The following CHMP2A variants were observed in gnomAD, a reference collection of about 807,000 sequenced individuals.
CHMP2A encodes the protein charged multivesicular body protein 2A, also known as VPS2 homolog A.
CHMP2A carries 6 observed loss-of-function variants against 21.8 expected under a neutral mutation model. That is an observed-to-expected ratio of 0.28 (90% CI 0.15 to 0.54). The LOEUF is 0.54. Ranked by LOEUF, CHMP2A falls within the 20% of genes least tolerant of loss-of-function variation. CHMP2A has a pLI of 0.95. For synonymous variants in CHMP2A, 125 were observed against 107.0 expected (o/e 1.17, Z -1.04); for missense variants, 303 against 293.9 (o/e 1.03, Z -0.23).
intron 4 of CHMP2A, 38 bp from the exon 5 acceptor site, chr19:58,552,005 C>T (rs2053833352): frequency 1.2e-6 from 2 of 1,614,150 alleles, no homozygotes; most frequent in Non-Finnish European, 1.7e-6. Flanking sequence ...GCTATGCACT[C>T]CGTGAGGGCC....
chr19:58,551,866 C>T, intron 5 of CHMP2A, 40 bp downstream of exon 5: 4 of 1,613,994 alleles, frequency 2.5e-6, no homozygotes, highest in Non-Finnish European at 3.4e-6. Flanking sequence ...TGTGGCTGGG[C>T]CTTGGGTGGG....
chr19:58,552,688 T>G (rs1292017193), intron 2 of CHMP2A, among the ~76,000 whole-genome samples: 2 of 152,174 alleles, frequency 1.3e-5, no homozygotes, highest in African/African-American at 4.8e-5. Flanking sequence ...CTGTAAATGG[T>G]AAAAGAAAGG....
chr19:58,552,435 C>T lies in CHMP2A; in HGVS notation c.172G>A (p.Ala58Thr). 6.2e-7 allele frequency: 1 copy of T among 1,613,282 alleles called. No homozygotes were observed. The highest frequency in any genetic ancestry group is 8.5e-7 in the Non-Finnish European group (1 of 1,179,564). Residue 58 changes from alanine to threonine, a missense_variant, in exon 3 of 6, where the codon GCT (alanine) becomes ACT (threonine). By Grantham distance (58) the Ala-to-Thr change is moderately conservative (BLOSUM62 0). Transcript: ENST00000312547. ...KKMAKQGQMD[A>T]VRIMAKDLVR... ...AAGTCTTTTGCCATGATGCGAACAG[C>T]ATCCTGCAGAGTAGACAAGGGTATC...
At chr19:58,552,840 G>C (rs961299601) in intron 2 of CHMP2A, among the ~76,000 whole-genome samples, 2 of 152,016 alleles carry the variant, frequency 1.3e-5, no homozygotes, top group Admixed American at 6.6e-5. Context: ...CCCATACCTC[G>C]AACTATCCAG....
chr19:58,554,140 C>T lies in CHMP2A; in HGVS notation c.73G>A (p.Ala25Thr). 6.2e-7 allele frequency: 1 copy of T among 1,614,158 alleles called. No individual in the cohort carries two copies. Among genetic ancestry groups the T allele is most frequent in the Non-Finnish European group, 8.5e-7 (1 of 1,180,030 alleles). ...LRQNQRALNR[A>T]MRELDRERQK... ...CGCTCGCGGTCCAGCTCCCGCATGG[C>T]ACGGTTCAGGGCCCTCTGGTTCTGC... is the stretch of plus-strand genomic sequence containing the variant. Residue 25 changes from alanine to threonine, a missense_variant, in exon 2 of 6, where the codon GCC (alanine) becomes ACC (threonine). Transcript: ENST00000312547.
rs373068837 is a variant in CHMP2A, at chr19:58,553,371, GT to G, written c.168+673del. Reference sequence around the variant, plus strand: ...GCCAGCTTATCCTTATAGTTAACTGGTTTTTTTTTTTTTTTTTGAGACAGAG... The same window carrying G: ...GCCAGCTTATCCTTATAGTTAACTGGTTTTTTTTTTTTTTTTGAGACAGAG... On this transcript the variant is annotated intron_variant, in intron 2 of 5. Transcript: ENST00000312547. Among the ~76,000 whole-genome samples, 896 of 119,978 alleles carry G rather than the reference GT, an allele frequency of 7.5e-3. 4 individuals are homozygous for G. Among genetic ancestry groups the G allele is most frequent in the African/African-American group, 0.018 (547 of 30,732 alleles). 78.7% of individuals were successfully genotyped at this position (119,978 alleles called of 152,430 possible). A position where few individuals can be genotyped will look rare whatever the true frequency, so the allele number is the denominator to read the frequency against.
chr19:58,554,473 T>A (rs1157709166), intron 1 of CHMP2A: 1 of 480,054 alleles, frequency 2.1e-6, no homozygotes, highest in East Asian at 3.8e-5. Flanking sequence ...TTCATCGCCA[T>A]GCCCCAAAAG....
chr19:58,554,399 C>G (rs2053868363), intron 1 of CHMP2A, 163 bp from the exon 2 acceptor site: 1 of 620,326 alleles, frequency 1.6e-6, no homozygotes, highest in Non-Finnish European at 2.8e-6. Context: ...GGGATTGTCC[C>G]GGGGACACAT....
At chr19:58,553,463 T>C (rs1331439954) in intron 2 of CHMP2A, among the ~76,000 whole-genome samples, 2 of 149,478 alleles carry the variant, frequency 1.3e-5, no homozygotes, top group African/African-American at 4.9e-5. Context: ...CTCCGCCTCC[T>C]GGGTTCAAGA....
chr19:58,554,027 C>A lies in CHMP2A; in HGVS notation c.168+18G>T. 2 of 1,612,790 alleles carry A rather than the reference C, an allele frequency of 1.2e-6. No homozygotes were observed. The highest frequency in any genetic ancestry group is 1.7e-6 in the Non-Finnish European group (2 of 1,179,982). On this transcript the variant is annotated intron_variant, in intron 2 of 5. Transcript: ENST00000312547. ...CCGTGCCTGATTGACAGCAACCTGC[C>A]CGACCACCCACACTCACCATCTGGC... is the stretch of plus-strand genomic sequence containing the variant.
At chr19:58,553,041 A>G (rs557539787) in intron 2 of CHMP2A, among the ~76,000 whole-genome samples, 57 of 149,644 alleles carry the variant, frequency 3.8e-4, no homozygotes, top group African/African-American at 5.9e-4. Context: ...TCTTGGCCAT[A>G]GCTTATAGCT....
Position 58,554,084 on chromosome 19 carries a change from G to C in CHMP2A, c.129C>G (p.Ile43Met). ...TGGCCATCTTCTTAATGTCTGCAAT[G>C]ATTTTCTTCTCCTGGGTCTCTAGTT... Reference protein sequence around the residue: ...RQKLETQEKKIIADIKKMAKQ... With the variant: ...RQKLETQEKKMIADIKKMAKQ... Residue 43 changes from isoleucine (I) to methionine (M), a missense_variant, in exon 2 of 6, where the codon ATC (isoleucine) becomes ATG (methionine). Ile to Met is a conservative substitution (Grantham distance 10). Coordinates refer to ENST00000312547, the MANE Select transcript of CHMP2A (RefSeq NM_014453.4). 6.2e-7 allele frequency: 1 copy of C among 1,614,106 alleles called. No homozygotes were observed.
intron 1 of CHMP2A, chr19:58,554,534 C>T (rs942791745): frequency 3.1e-6 from 1 of 324,028 alleles, no homozygotes; most frequent in Non-Finnish European, 5.8e-6. Context: ...TGGGTGAGGC[C>T]CTGGAGTCCT....
Position 58,554,012 on chromosome 19 carries a change from T to C in CHMP2A, c.168+33A>G, listed in dbSNP as rs1477038286. The C allele has an allele frequency of 9.3e-6, 15 of 1,611,470 alleles. No homozygotes were observed. In the South Asian group the frequency reaches 1.5e-4, roughly 17 times the overall value. On this transcript the variant is annotated intron_variant, in intron 2 of 5. Transcript: ENST00000312547. ...TCACTGCTGTTAGAGCCGTGCCTGA[T>C]TGACAGCAACCTGCCCGACCACCCA...
chr19:58,553,789 T>A lies in CHMP2A; in HGVS notation c.168+256A>T, dbSNP rs1403244135. The A allele has an allele frequency of 1.0e-5, 5 of 494,250 alleles. No homozygotes were observed. The East Asian group carries it at 1.9e-4, about 19-fold the overall frequency. The allele number at this position is 494,250 out of a possible 1,614,324, so 30.6% of individuals were successfully genotyped here. A position where few individuals can be genotyped will look rare whatever the true frequency, so the allele number is the denominator to read the frequency against. On this transcript the variant is annotated intron_variant, in intron 2 of 5. Transcript: ENST00000312547. ...CATCTCCCATTTTTTTGAGGCTCTTTTTTAACATTTGCTGCTCTGTCTGCT... is the reference window on the plus strand; with the variant it reads ...CATCTCCCATTTTTTTGAGGCTCTTATTTAACATTTGCTGCTCTGTCTGCT...
rs1172752369 is a variant in CHMP2A at position 58,551,937 on chromosome 19, C to T, written c.510G>A (p.Glu170=). 1.9e-6 allele frequency: 3 copies of T among 1,614,138 alleles called. No individual in the cohort carries two copies. The highest frequency in any genetic ancestry group is 1.7e-5 in the Admixed American group (1 of 60,016). Residue 170 remains glutamate, a synonymous_variant, in exon 5 of 6, where the codon GAG becomes GAA. Coordinates refer to ENST00000312547, the MANE Select transcript of CHMP2A (RefSeq NM_014453.4). ...SDAVVSQVLD[E]LGLSLTDELS... Reference sequence around the variant, plus strand: ...GCTCATCTGTTAGGCTAAGTCCCAGCTCATCCAGAACCTGGGACACCACAG... The same window carrying T: ...GCTCATCTGTTAGGCTAAGTCCCAGTTCATCCAGAACCTGGGACACCACAG...
rs2122643965 is a variant in CHMP2A, at chr19:58,552,393, A to C, written c.214T>G (p.Tyr72Asp). ...CGCATCAATACAAACTTGCGCACATAGCGCCGGGTGCGCACCAAGTCTTTT... is the reference window on the plus strand; with the variant it reads ...CGCATCAATACAAACTTGCGCACATCGCGCCGGGTGCGCACCAAGTCTTTT... ...MAKDLVRTRR[Y>D]VRKFVLMRAN... The change falls in exon 3 of 6, where the codon TAT (tyrosine) becomes GAT (aspartate). Residue 72 changes from tyrosine (Y) to aspartate (D), a missense_variant. Tyr to Asp is a radical substitution (Grantham distance 160). Coordinates refer to ENST00000312547, the MANE Select transcript of CHMP2A (RefSeq NM_014453.4). 2 of 1,614,190 alleles carry C rather than the reference A, an allele frequency of 1.2e-6. No individual in the cohort carries two copies. The highest frequency in any genetic ancestry group is 8.5e-7 in the Non-Finnish European group (1 of 1,180,042).
At position 58,554,245 on chromosome 19, in the gene CHMP2A, G is replaced by C; in HGVS notation, c.-24-9C>G. ...GAAGCTCACTGGCAGGCCTGAGACAGATGTGAGTGAGGCCCAGTTGTAGGG... is the reference window on the plus strand; with the variant it reads ...GAAGCTCACTGGCAGGCCTGAGACACATGTGAGTGAGGCCCAGTTGTAGGG... On this transcript the variant is annotated splice_polypyrimidine_tract_variant and intron_variant, in intron 1 of 5. Coordinates refer to ENST00000312547, the MANE Select transcript of CHMP2A (RefSeq NM_014453.4). 4.4e-6 allele frequency: 7 copies of C among 1,594,222 alleles called. No homozygotes were observed. The highest frequency in any genetic ancestry group is 6.0e-6 in the Non-Finnish European group (7 of 1,169,382).
rs959513331 is a variant in CHMP2A, at chr19:58,554,976, G to C, written c.-25+12C>G. On this transcript the variant is annotated intron_variant, in intron 1 of 5. Coordinates refer to ENST00000312547, the MANE Select transcript of CHMP2A (RefSeq NM_014453.4). ...CCCGCCCGGGATCCACGGTCCAGCA[G>C]GGGCCACTCACCGGAGCTGGGACGG... is the stretch of plus-strand genomic sequence containing the variant. 6.6e-6 allele frequency: 1 copy of C among 152,332 alleles called. No homozygotes were observed. The highest frequency in any genetic ancestry group is 2.4e-5 in the African/African-American group (1 of 41,450). The allele number at this position is 152,332 out of a possible 1,614,324, so 9.4% of individuals were successfully genotyped here. A position where few individuals can be genotyped will look rare whatever the true frequency, so the allele number is the denominator to read the frequency against.
Sources: gnomAD v4.1 joint callset for allele counts (sites outside exome capture counted in the v4.1 genomes callset) on GRCh38, gnomAD v4.1.1 for gene constraint, MANE v1.5 for transcripts, NCBI Gene and HGNC (gene_info 2026-07-23, HGNC 2026-07-21) for gene names.